The following TBC1D19 variants were observed in gnomAD, a reference collection of about 807,000 sequenced individuals.
TBC1D19 encodes the protein TBC1 domain family member 19.
TBC1D19 carries 60 observed loss-of-function variants against 89.0 expected under a neutral mutation model. The observed-to-expected ratio is 0.67, with a 90% CI of 0.55 to 0.84. The LOEUF (loss-of-function observed/expected upper bound fraction) is 0.84. Ranked by LOEUF, TBC1D19 falls within the 40% of genes least tolerant of loss-of-function variation. TBC1D19 has a pLI of 0.00. For missense variants in TBC1D19, 500 were observed against 610.8 expected (o/e 0.82, Z 1.91); for synonymous variants, 189 against 199.7 (o/e 0.95, Z 0.45).
At chr4:26,666,224 A>G (rs1202097999) in intron 8 of TBC1D19, 109 bp from the exon 9 acceptor site, 3 of 842,614 alleles carry the variant, frequency 3.6e-6, no homozygotes, top group East Asian at 5.0e-5. Flanking sequence ...GCAAAGCCTC[A>G]TTTCACACTG....
chr4:26,824,630 C>A, the TBC1D19 span, among the ~76,000 whole-genome samples: 1 of 151,918 alleles, frequency 6.6e-6, no homozygotes, highest in Admixed American at 6.6e-5. Flanking sequence ...TACTGCACTA[C>A]AATTTAGTTA....
At chr4:26,727,565 T>C (rs1415975231) in intron 15 of TBC1D19, among the ~76,000 whole-genome samples, 1 of 152,216 alleles carries the variant, frequency 6.6e-6, no homozygotes, top group African/African-American at 2.4e-5. Context: ...ACACTTTAAA[T>C]AAATTAACTC....
At chr4:26,773,700 A>G in the TBC1D19 span, among the ~76,000 whole-genome samples, 1 of 152,182 alleles carries the variant, frequency 6.6e-6, no homozygotes, top group African/African-American at 2.4e-5. Context: ...CAGTTTTCCC[A>G]GCACCATTTA....
the TBC1D19 span, among the ~76,000 whole-genome samples, chr4:26,781,229 C>A: frequency 6.6e-6 from 1 of 152,134 alleles, no homozygotes; most frequent in Non-Finnish European, 1.5e-5. Context: ...AGTTTGAGGG[C>A]CATTGCTTTT....
intron 12 of TBC1D19, among the ~76,000 whole-genome samples, chr4:26,686,911 T>G (rs1713861776): frequency 6.6e-6 from 1 of 152,196 alleles, no homozygotes; most frequent in Non-Finnish European, 1.5e-5. Flanking sequence ...GTTAGAGCTA[T>G]TTGACCATGG....
At chr4:26,678,610 CAT>C (rs1414211056) in intron 11 of TBC1D19, among the ~76,000 whole-genome samples, 1 of 149,192 alleles carries the variant, frequency 6.7e-6, no homozygotes, top group African/African-American at 2.5e-5. Context: ...TATGAGATAA[CAT>C]AGAAAAAAAT....
At chr4:26,778,579 GGTCTTTTTTCCATAT>G in the TBC1D19 span, among the ~76,000 whole-genome samples, 4 of 152,112 alleles carry the variant, frequency 2.6e-5, no homozygotes, top group Admixed American at 2.6e-4. Flanking sequence ...TGAATCTTTA[GGTCTTTTTTCCATAT>G]TACCCTGCCG....
intron 1 of TBC1D19, among the ~76,000 whole-genome samples, chr4:26,587,529 A>G (rs1243968063): frequency 6.6e-6 from 1 of 150,546 alleles, no homozygotes; most frequent in Non-Finnish European, 1.5e-5. Context: ...GTGAGCAGAG[A>G]TCGCACCACT....
chr4:26,753,817 C>T lies in TBC1D19; in HGVS notation c.1436-3C>T. The T allele has an allele frequency of 6.2e-7, 1 of 1,613,732 alleles. No individual in the cohort carries two copies. On this transcript the variant is annotated splice_polypyrimidine_tract_variant and splice_region_variant and intron_variant, in intron 19 of 20. Coordinates refer to ENST00000264866, the MANE Select transcript of TBC1D19 (RefSeq NM_018317.4). ...AGTTGAAGTAGTGTGCATTCTTTTC[C>T]AGTGCTGGCAGCTGCCGTGTTTGCT...
At chr4:26,632,233 G>A (rs1413453754) in intron 4 of TBC1D19, among the ~76,000 whole-genome samples, 4 of 151,896 alleles carry the variant, frequency 2.6e-5, no homozygotes, top group Non-Finnish European at 5.9e-5. Context: ...GGGTTTAGGG[G>A]TGCTGACCCT....
intron 1 of TBC1D19, among the ~76,000 whole-genome samples, chr4:26,592,289 C>T (rs1389201062): frequency 6.6e-6 from 1 of 152,112 alleles, no homozygotes; most frequent in Non-Finnish European, 1.5e-5. Flanking sequence ...ATTCAACAGC[C>T]CTTCATGCTA....
chr4:26,841,699 T>A, the TBC1D19 span, among the ~76,000 whole-genome samples: 4 of 152,172 alleles, frequency 2.6e-5, no homozygotes, highest in Admixed American at 2.6e-4. Flanking sequence ...CTACGCGTAT[T>A]TTTGGATCCT....
intron 1 of TBC1D19, among the ~76,000 whole-genome samples, chr4:26,607,854 C>T (rs968414447): frequency 3.9e-5 from 6 of 152,108 alleles, no homozygotes; most frequent in Non-Finnish European, 7.4e-5. Flanking sequence ...AATTCTACAC[C>T]GGTCCTTTAA....
the TBC1D19 span, among the ~76,000 whole-genome samples, chr4:26,779,520 G>T: frequency 6.6e-6 from 1 of 152,118 alleles, no homozygotes; most frequent in Non-Finnish European, 1.5e-5. Context: ...TCTTTCCCCG[G>T]GTCCTTCTCT....
intron 13 of TBC1D19, among the ~76,000 whole-genome samples, chr4:26,701,914 A>C (rs1715363178): frequency 6.6e-6 from 1 of 152,196 alleles, no homozygotes; most frequent in Non-Finnish European, 1.5e-5. Context: ...TAATGGCATG[A>C]CTCATAGTAA....
At chr4:26,825,992 A>G in the TBC1D19 span, among the ~76,000 whole-genome samples, 2 of 152,228 alleles carry the variant, frequency 1.3e-5, no homozygotes, top group Non-Finnish European at 2.9e-5. Context: ...ATTTGAGGTC[A>G]GGAGTTCAAG....
the TBC1D19 span, among the ~76,000 whole-genome samples, chr4:26,768,125 G>A: frequency 1.3e-5 from 2 of 152,138 alleles, no homozygotes. Context: ...ACATGCACAT[G>A]AGGAACCTAT....
the TBC1D19 span, among the ~76,000 whole-genome samples, chr4:26,806,498 A>G: frequency 1.9e-3 from 286 of 152,352 alleles, 1 homozygote; most frequent in Non-Finnish European, 3.2e-3. Flanking sequence ...GTGACTCACT[A>G]TGTGTCTGCC....
chr4:26,824,511 G>A, the TBC1D19 span, among the ~76,000 whole-genome samples: 1 of 152,190 alleles, frequency 6.6e-6, no homozygotes. Flanking sequence ...AAATTCACTT[G>A]TAGTCCTATG....
Sources: allele counts gnomAD v4.1 joint callset (sites outside exome capture counted in the v4.1 genomes callset), GRCh38; gene constraint gnomAD v4.1.1; transcripts MANE v1.5; gene names NCBI Gene and HGNC (gene_info 2026-07-23, HGNC 2026-07-21).